SNX13: variants seen among roughly 807,000 people sequenced by gnomAD.
SNX13 encodes sorting nexin-13.
Under a neutral mutation model 133.6 loss-of-function variants are expected in SNX13, and 45 were observed. The ratio of observed to expected loss-of-function variants is 0.34; its 90% confidence interval spans 0.27 to 0.43. SNX13 has a LOEUF of 0.43. Ranked by LOEUF, SNX13 falls within the 20% of genes least tolerant of loss-of-function variation. SNX13 has a pLI of 1.00. For missense variants in SNX13, 1,032 were observed against 1,145.1 expected (o/e 0.90, Z 1.43); for synonymous variants, 414 against 373.9 (o/e 1.11, Z -1.24).
intron 22 of SNX13, among the ~76,000 whole-genome samples, chr7:17,799,686 A>G (rs1784414550): frequency 1.3e-5 from 2 of 151,784 alleles, no homozygotes; most frequent in Admixed American, 6.6e-5. Context: ...ACATTACAAA[A>G]GGCATAGTTT....
intron 11 of SNX13, among the ~76,000 whole-genome samples, chr7:17,849,893 ACTTTG>A (rs1176630344): frequency 6.6e-6 from 1 of 152,166 alleles, no homozygotes; most frequent in Non-Finnish European, 1.5e-5. Flanking sequence ...TCTATACGCT[ACTTTG>A]CTTTATTACT....
intron 15 of SNX13, chr7:17,832,062 A>G (rs1412878262): frequency 3.0e-5 from 29 of 982,790 alleles, no homozygotes; most frequent in Non-Finnish European, 3.4e-5. Flanking sequence ...TAGAAAGACA[A>G]TAAGATACAT....
Position 17,875,482 on chromosome 7 carries a change from T to A in SNX13, c.662A>T (p.Glu221Val). 1 of 1,604,328 alleles carries A rather than the reference T, an allele frequency of 6.2e-7. No individual in the cohort carries two copies. The highest frequency in any genetic ancestry group is 1.4e-5 in the African/African-American group (1 of 73,376). Residue 221 changes from glutamate (E) to valine (V), a missense_variant and splice_region_variant, in exon 7 of 26, where the codon GAA (glutamate) becomes GTA (valine). By Grantham distance (121) the Glu-to-Val change is moderately radical. Coordinates refer to ENST00000428135, the MANE Select transcript of SNX13 (RefSeq NM_015132.5). ...AAAAAGTTAAATTAAAAGAAAACCT[T>A]CTTCATCTTTGGGGGAAGTGCACAC... is the stretch of plus-strand genomic sequence containing the variant. ...DLVCTSPKDE[E>V]GFLRDLCEVL...
At chr7:17,879,761 T>G (rs1229706402) in intron 5 of SNX13, 1 of 152,252 alleles carries the variant, frequency 6.6e-6, no homozygotes, top group African/African-American at 2.4e-5. Flanking sequence ...GAAAACGCAC[T>G]GGACTGACAC....
At chr7:17,929,349 A>G (rs1271796768) in intron 1 of SNX13, among the ~76,000 whole-genome samples, 1 of 152,116 alleles carries the variant, frequency 6.6e-6, no homozygotes, top group Non-Finnish European at 1.5e-5. Context: ...AGTTTATTCT[A>G]TTATTATGTG....
At chr7:17,830,622 C>T in intron 15 of SNX13, 1 of 983,896 alleles carries the variant, frequency 1.0e-6, no homozygotes, top group Non-Finnish European at 1.2e-6. Context: ...AATTCCATTT[C>T]ATTAAAAAGC....
intron 1 of SNX13, among the ~76,000 whole-genome samples, chr7:17,931,913 C>G (rs999245017): frequency 5.3e-5 from 8 of 152,192 alleles, no homozygotes; most frequent in African/African-American, 1.9e-4. Flanking sequence ...CATAACAGTA[C>G]TCTGTCTCCA....
At chr7:17,874,417 T>G (rs1237935559) in intron 7 of SNX13, among the ~76,000 whole-genome samples, 1 of 152,184 alleles carries the variant, frequency 6.6e-6, no homozygotes, top group Non-Finnish European at 1.5e-5. Flanking sequence ...TTTAAGTTTT[T>G]GGGGGTCAAA....
At chr7:17,865,964 T>A (rs943302186) in intron 9 of SNX13, among the ~76,000 whole-genome samples, 1 of 152,082 alleles carries the variant, frequency 6.6e-6, no homozygotes, top group Non-Finnish European at 1.5e-5. Flanking sequence ...TAGACCCCTA[T>A]CTCTCAGCAT....
intron 18 of SNX13, among the ~76,000 whole-genome samples, chr7:17,817,886 G>A (rs1786841692): frequency 1.3e-5 from 2 of 152,142 alleles, no homozygotes; most frequent in Non-Finnish European, 2.9e-5. Flanking sequence ...TTGTGTGCTT[G>A]TACTGTATTT....
chr7:17,808,257 T>G lies in SNX13; in HGVS notation c.2065-4677A>C, dbSNP rs568629718. Among the ~76,000 whole-genome samples, 6 of 152,184 alleles carry G rather than the reference T, an allele frequency of 3.9e-5. No homozygotes were observed. In the South Asian group the frequency reaches 1.2e-3, roughly 32 times the overall value. On this transcript the variant is annotated intron_variant, in intron 20 of 25. Coordinates refer to ENST00000428135, the MANE Select transcript of SNX13 (RefSeq NM_015132.5). Reference sequence around the variant, plus strand: ...ACAATAACCAATGTAGAGAAGATCATAAATGACCTGATGGAGCTGAAAAAC... The same window carrying G: ...ACAATAACCAATGTAGAGAAGATCAGAAATGACCTGATGGAGCTGAAAAAC...
intron 15 of SNX13, 137 bp from the exon 16 acceptor site, chr7:17,830,184 A>AT: frequency 8.9e-7 from 1 of 1,125,468 alleles, no homozygotes; most frequent in Non-Finnish European, 1.1e-6. Context: ...AAAAAAAAAA[A>AT]TTGTGGATAC....
intron 1 of SNX13, among the ~76,000 whole-genome samples, chr7:17,907,090 T>C (rs759921549): frequency 5.3e-5 from 8 of 152,200 alleles, no homozygotes; most frequent in Non-Finnish European, 1.0e-4. Context: ...GACAAAATAA[T>C]AGAAAAAAAT....
At chr7:17,887,047 A>G (rs1256610821) in intron 5 of SNX13, among the ~76,000 whole-genome samples, 1 of 152,152 alleles carries the variant, frequency 6.6e-6, no homozygotes, top group Non-Finnish European at 1.5e-5. Flanking sequence ...AGCAACAATA[A>G]TAACAGAGAA....
intron 1 of SNX13, among the ~76,000 whole-genome samples, chr7:17,929,034 T>C (rs1801093475): frequency 6.6e-6 from 1 of 152,140 alleles, no homozygotes; most frequent in African/African-American, 2.4e-5. Flanking sequence ...AAATTTTCTA[T>C]TTTGGCTTTT....
chr7:17,887,069 T>A (rs567918810), intron 5 of SNX13, among the ~76,000 whole-genome samples: 31 of 152,210 alleles, frequency 2.0e-4, no homozygotes, highest in African/African-American at 7.0e-4. Flanking sequence ...TTAACTTTAC[T>A]GAACACTTAC....
chr7:17,854,515 T>C (rs1225365555), intron 9 of SNX13, among the ~76,000 whole-genome samples: 1 of 152,204 alleles, frequency 6.6e-6, no homozygotes, highest in Non-Finnish European at 1.5e-5. Context: ...CCAGAAACTC[T>C]TACCAGCATA....
At chr7:17,853,070 G>C (rs1268704411) in intron 9 of SNX13, among the ~76,000 whole-genome samples, 1 of 152,078 alleles carries the variant, frequency 6.6e-6, no homozygotes, top group African/African-American at 2.4e-5. Flanking sequence ...GAGTGGGCCA[G>C]GTAACATAAC....
intron 1 of SNX13, among the ~76,000 whole-genome samples, chr7:17,904,401 T>C (rs1003129104): frequency 6.6e-6 from 1 of 151,728 alleles, no homozygotes; most frequent in African/African-American, 2.4e-5. Flanking sequence ...GTGCTTAATT[T>C]AGGCCTAGGT....
Sources: gnomAD v4.1 joint callset for allele counts (sites outside exome capture counted in the v4.1 genomes callset) on GRCh38, gnomAD v4.1.1 for gene constraint, MANE v1.5 for transcripts, NCBI Gene and HGNC (gene_info 2026-07-23, HGNC 2026-07-21) for gene names.